Variants in UST observed in about 807,000 individuals in gnomAD.
UST encodes the protein uronyl 2-sulfotransferase, also known as chondroitin sulfate 2-O-sulfotransferase.
A neutral mutation model predicts 45.6 loss-of-function variants in UST; 21 were observed. The observed-to-expected ratio is 0.46, with a 90% CI of 0.33 to 0.66. The LOEUF is 0.66. UST is among the 30% of genes least tolerant of loss of function. UST has a pLI of 0.02. For synonymous variants in UST, 215 were observed against 200.6 expected, an observed-to-expected ratio of 1.07 and a Z score of -0.61; for missense variants, 463 against 512.4, an observed-to-expected ratio of 0.90 and a Z score of 0.93.
chr6:148,886,675 G>A (rs916538509), intron 1 of UST, among the ~76,000 whole-genome samples: 5 of 152,154 alleles, frequency 3.3e-5, no homozygotes, highest in African/African-American at 1.2e-4. Context: ...TAACATTTGA[G>A]TACCAATGGT....
chr6:148,996,885 A>T (rs953641566), intron 5 of UST, among the ~76,000 whole-genome samples: 2 of 152,254 alleles, frequency 1.3e-5, no homozygotes, highest in African/African-American at 4.8e-5. Flanking sequence ...ATAAGAGAAA[A>T]AAATGCTATT....
At chr6:149,047,295 A>G (rs1415949135) in intron 7 of UST, among the ~76,000 whole-genome samples, 1 of 152,246 alleles carries the variant, frequency 6.6e-6, no homozygotes, top group Non-Finnish European at 1.5e-5. Context: ...AGTAGTTGCT[A>G]ATGTCAAAAT....
At chr6:148,843,314 A>G (rs1777922246) in intron 1 of UST, among the ~76,000 whole-genome samples, 1 of 152,180 alleles carries the variant, frequency 6.6e-6, no homozygotes, top group South Asian at 2.1e-4. Flanking sequence ...TTACTGTGGA[A>G]TTGTTTTGTG....
intron 4 of UST, among the ~76,000 whole-genome samples, chr6:148,963,601 G>A (rs1780714508): frequency 6.6e-6 from 1 of 152,204 alleles, no homozygotes; most frequent in South Asian, 2.1e-4. Flanking sequence ...GCCATCACTT[G>A]AGGATAATTA....
At chr6:148,945,689 G>A (rs1030047038) in intron 3 of UST, among the ~76,000 whole-genome samples, 10 of 152,282 alleles carry the variant, frequency 6.6e-5, no homozygotes, top group African/African-American at 1.7e-4. Context: ...TGAAGACTTC[G>A]AAAATTAAAA....
At position 148,747,567 on chromosome 6, in the gene UST, G is replaced by C. The variant is rs1463575585; in HGVS notation, c.137G>C (p.Arg46Pro). ...CTGCCTTTCCTGCGCTTCTCCCTCC[G>C]GGACTACGGCTTCTGCATGGCCACC... ...PLLPFLRFSL[R>P]DYGFCMATLL... Residue 46 changes from arginine (R) to proline (P), a missense_variant, in exon 1 of 8, where the codon CGG (arginine) becomes CCG (proline). By Grantham distance (103) the Arg-to-Pro change is moderately radical. Around this residue, in one of 2 missense-constraint regions of UST, gnomAD observed 176 missense variants for 138.3 expected, o/e 1.27. Transcript: ENST00000367463. 6.3e-7 allele frequency: 1 copy of C among 1,582,618 alleles called. No homozygotes were observed. Among genetic ancestry groups the C allele is most frequent in the Non-Finnish European group, 8.6e-7 (1 of 1,166,284 alleles).
At chr6:148,882,729 G>A (rs1778845921) in intron 1 of UST, among the ~76,000 whole-genome samples, 1 of 152,212 alleles carries the variant, frequency 6.6e-6, no homozygotes, top group Non-Finnish European at 1.5e-5. Context: ...GTTTACTGGA[G>A]ATGTGGGTAA....
chr6:148,977,502 G>A (rs192445166), intron 5 of UST, among the ~76,000 whole-genome samples: 273 of 151,940 alleles, frequency 1.8e-3, no homozygotes, highest in African/African-American at 6.3e-3. Flanking sequence ...CTGTAATCCC[G>A]GCACTTTGGG....
chr6:148,926,994 A>G (rs765885613), intron 2 of UST, among the ~76,000 whole-genome samples: 1 of 152,204 alleles, frequency 6.6e-6, no homozygotes, highest in African/African-American at 2.4e-5. Flanking sequence ...GGATGAAAGA[A>G]AGCAATTAAC....
chr6:148,751,032 G>T (rs1346542630), intron 1 of UST, among the ~76,000 whole-genome samples: 3 of 152,090 alleles, frequency 2.0e-5, no homozygotes, highest in African/African-American at 7.2e-5. Context: ...CTGGGCACAG[G>T]GCCCAGCAAT....
intron 1 of UST, among the ~76,000 whole-genome samples, chr6:148,838,369 A>C (rs1777829179): frequency 6.6e-6 from 1 of 152,242 alleles, no homozygotes; most frequent in African/African-American, 2.4e-5. Context: ...GGTCCAGATC[A>C]GCTAGGAATG....
At chr6:148,817,453 C>T (rs542391720) in intron 1 of UST, among the ~76,000 whole-genome samples, 2 of 152,174 alleles carry the variant, frequency 1.3e-5, no homozygotes, top group African/African-American at 2.4e-5. Flanking sequence ...CCAAGGTGGT[C>T]GGGGTGCAGC....
In UST at chr6:149,002,829, G is replaced by A. The variant is rs117485243; in HGVS notation, c.682-16310G>A. Reference sequence around the variant, plus strand: ...GCCGTATGACACATTTTAATATAAGGCAAAGGCATTAATTTTAAAAAATCA... The same window carrying A: ...GCCGTATGACACATTTTAATATAAGACAAAGGCATTAATTTTAAAAAATCA... On this transcript the variant is annotated intron_variant, in intron 5 of 7. Transcript: ENST00000367463. Among the ~76,000 whole-genome samples, 47 of 152,144 alleles carry A rather than the reference G, an allele frequency of 3.1e-4. No individual in the cohort carries two copies. The East Asian group carries it at 8.9e-3, about 29-fold the overall frequency.
At chr6:148,831,895 A>G (rs1777694937) in intron 1 of UST, among the ~76,000 whole-genome samples, 1 of 152,240 alleles carries the variant, frequency 6.6e-6, no homozygotes, top group South Asian at 2.1e-4. Context: ...GGTGGATTCC[A>G]ATTCAGTTTT....
chr6:148,778,951 G>A (rs1348697706), intron 1 of UST, among the ~76,000 whole-genome samples: 2 of 152,104 alleles, frequency 1.3e-5, no homozygotes, highest in Admixed American at 6.6e-5. Flanking sequence ...CCATCCTCAT[G>A]GTGGTCACAG....
chr6:149,028,744 G>T (rs566571262), intron 7 of UST, among the ~76,000 whole-genome samples: 5 of 152,166 alleles, frequency 3.3e-5, no homozygotes, highest in Admixed American at 2.6e-4. Context: ...AGGTTTTTAT[G>T]CCTGAACTCT....
intron 2 of UST, among the ~76,000 whole-genome samples, chr6:148,919,666 A>G (rs1440182335): frequency 6.6e-6 from 1 of 152,222 alleles, no homozygotes; most frequent in African/African-American, 2.4e-5. Flanking sequence ...GAAAACTGTT[A>G]TTCAGTGCCA....
At chr6:148,865,527 TAA>T (rs1187554336) in intron 1 of UST, among the ~76,000 whole-genome samples, 1 of 151,888 alleles carries the variant, frequency 6.6e-6, no homozygotes, top group Non-Finnish European at 1.5e-5. Flanking sequence ...AAGAATGTTT[TAA>T]AAAGAGAGAG....
chr6:148,927,279 C>T (rs986677267), intron 2 of UST, among the ~76,000 whole-genome samples: 1 of 152,070 alleles, frequency 6.6e-6, no homozygotes, highest in African/African-American at 2.4e-5. Context: ...CTTCCCATAG[C>T]CTTACAGGCT....
Sources: allele counts gnomAD v4.1 joint callset (sites outside exome capture counted in the v4.1 genomes callset), GRCh38; gene constraint gnomAD v4.1.1; regional missense constraint gnomAD v4.1.1; transcripts MANE v1.5; gene names NCBI Gene and HGNC (gene_info 2026-07-23, HGNC 2026-07-21).